Variants in PPIL4 observed in about 807,000 individuals in gnomAD.
The protein encoded by PPIL4 is peptidylprolyl isomerase like 4, also known as peptidyl-prolyl cis-trans isomerase-like 4.
Under a neutral mutation model 69.1 loss-of-function variants are expected in PPIL4, and 50 were observed. The observed-to-expected ratio is 0.72, with a 90% CI of 0.58 to 0.92. The LOEUF (loss-of-function observed/expected upper bound fraction) is 0.92. Among genes scored for constraint, PPIL4 ranks in the 40% least tolerant of loss-of-function variants. The pLI is 0.00. For synonymous variants in PPIL4, 193 were observed against 191.6 expected (o/e 1.01, Z -0.06); for missense variants, 480 against 587.9 (o/e 0.82, Z 1.90).
At chr6:149,537,374 T>C (rs1414507047) in intron 4 of PPIL4, among the ~76,000 whole-genome samples, 1 of 152,164 alleles carries the variant, frequency 6.6e-6, no homozygotes, top group South Asian at 2.1e-4. Flanking sequence ...TTGAAACCAA[T>C]GCTCACTGAC....
chr6:149,534,367 G>A (rs1195549755), intron 6 of PPIL4, among the ~76,000 whole-genome samples: 1 of 152,146 alleles, frequency 6.6e-6, no homozygotes, highest in Non-Finnish European at 1.5e-5. Flanking sequence ...AGTGTCCCCA[G>A]TTGAAAAGTT....
intron 10 of PPIL4, 87 bp from the exon 11 acceptor site, chr6:149,517,537 A>C (rs1414172657): frequency 1.6e-6 from 1 of 608,218 alleles, no homozygotes. Context: ...CATAAGAGCT[A>C]TTTTATAAAT....
chr6:149,513,503 G>GT (rs1776894054), intron 11 of PPIL4, among the ~76,000 whole-genome samples: 4 of 135,054 alleles, frequency 3.0e-5, no homozygotes, highest in South Asian at 4.7e-4. Flanking sequence ...AAAATATCTA[G>GT]TAATAAAGAC....
intron 7 of PPIL4, among the ~76,000 whole-genome samples, chr6:149,529,358 T>G (rs1457757839): frequency 1.3e-5 from 2 of 151,670 alleles, no homozygotes; most frequent in Non-Finnish European, 2.9e-5. Context: ...CTTGTGAGGC[T>G]GAGGTAGGAG....
At position 149,525,097 on chromosome 6, in the gene PPIL4, T is replaced by C. The variant is rs778639766; in HGVS notation, c.870+46A>G. On this transcript the variant is annotated intron_variant, in intron 9 of 12. Transcript: ENST00000253329. ...TATAATTTTTCACATTTTAATACCA[T>C]ATAAAAGCAAATAAATACCAAACTT... 2.1e-5 allele frequency: 22 copies of C among 1,030,536 alleles called. No individual in the cohort carries two copies. In the South Asian group the frequency reaches 2.2e-4, roughly 10 times the overall value. 63.8% of individuals were successfully genotyped at this position (1,030,536 alleles called of 1,614,324 possible).
At chr6:149,526,544 G>T (rs1777110241) in intron 8 of PPIL4, 108 bp downstream of exon 8, 2 of 1,036,222 alleles carry the variant, frequency 1.9e-6, no homozygotes, top group Non-Finnish European at 2.8e-6. Flanking sequence ...AAATTCACCA[G>T]TACAAAATTC....
At chr6:149,527,215 G>A (rs115009877) in intron 7 of PPIL4, among the ~76,000 whole-genome samples, 1,639 of 152,258 alleles carry the variant, frequency 0.011, 31 homozygotes, top group African/African-American at 0.038. Flanking sequence ...AAAATTAAAC[G>A]GGCATGGTGG....
chr6:149,519,252 C>A (rs984590285), intron 10 of PPIL4, among the ~76,000 whole-genome samples: 3 of 152,140 alleles, frequency 2.0e-5, no homozygotes, highest in Admixed American at 6.5e-5. Flanking sequence ...TAAATCACTT[C>A]TCAAGATTAT....
chr6:149,521,677 T>C (rs959065423), intron 9 of PPIL4, among the ~76,000 whole-genome samples: 1 of 152,218 alleles, frequency 6.6e-6, no homozygotes, highest in African/African-American at 2.4e-5. Context: ...TGACAGATTA[T>C]GGAATGCTGA....
In PPIL4 at chr6:149,535,748, A is replaced by G. The variant is rs1395831069; in HGVS notation, c.322-10T>C. On this transcript the variant is annotated splice_polypyrimidine_tract_variant and intron_variant, in intron 4 of 12. Coordinates refer to ENST00000253329, the MANE Select transcript of PPIL4 (RefSeq NM_139126.4). ...CTGTGGTGATAAGAAACTATAAAGA[A>G]GGACACATAATAAATACCATAAAAA... 6.4e-7 allele frequency: 1 copy of G among 1,570,604 alleles called. No homozygotes were observed. The highest frequency in any genetic ancestry group is 8.7e-7 in the Non-Finnish European group (1 of 1,148,438).
chr6:149,528,220 G>A (rs768443308), intron 7 of PPIL4, among the ~76,000 whole-genome samples: 12 of 152,104 alleles, frequency 7.9e-5, no homozygotes, highest in Non-Finnish European at 1.6e-4. Context: ...CTGCACTCCA[G>A]CCTAGAAAAC....
In PPIL4 at chr6:149,541,388, C is replaced by T. The variant is rs750235668; in HGVS notation, c.182G>A (p.Arg61His). The change falls in exon 3 of 13, where the codon CGT (arginine) becomes CAT (histidine). Residue 61 changes from arginine to histidine, a missense_variant. Physicochemically the swap from Arg to His is conservative, Grantham distance 29. Transcript: ENST00000253329. Reference protein sequence around the residue: ...IQTGDPTGTGRGGESIFGQLY... With the variant: ...IQTGDPTGTGHGGESIFGQLY... The stretch of plus-strand genomic sequence containing the variant: ...TTACCCAAAGATAGACTCTCCTCCA[C>T]GGCCAGTCCCTGTAGGATCGCCAGT... 24 of 1,470,166 alleles carry T rather than the reference C, an allele frequency of 1.6e-5. No homozygotes were observed. The highest frequency in any genetic ancestry group is 2.9e-5 in the South Asian group (2 of 68,790). The allele number at this position is 1,470,166 out of a possible 1,614,324, so 91.1% of individuals were successfully genotyped here. A position where few individuals can be genotyped will look rare whatever the true frequency, so the allele number is the denominator to read the frequency against.
At chr6:149,518,301 T>G (rs930443335) in intron 10 of PPIL4, among the ~76,000 whole-genome samples, 45 of 152,152 alleles carry the variant, frequency 3.0e-4, no homozygotes, top group Admixed American at 6.5e-5. Context: ...CAGATGAGAA[T>G]TCAATTTTCA....
chr6:149,526,429 G>C (rs1045188241), intron 8 of PPIL4, among the ~76,000 whole-genome samples: 2 of 152,160 alleles, frequency 1.3e-5, no homozygotes, highest in African/African-American at 4.8e-5. Flanking sequence ...TGTGTTGAGA[G>C]TGGGAGATTC....
chr6:149,541,583 C>A lies in PPIL4; in HGVS notation c.74G>T (p.Cys25Phe). Residue 25 changes from cysteine (C) to phenylalanine (F), a missense_variant, in exon 2 of 13, where the codon TGC becomes TTC. Transcript: ENST00000253329. ...DLYTEERPRA[C>F]LNFLKLCKIK... ...TTTGCACAGTTTCAAGAAATTCAAG[C>A]AGGCTGAAAGAAAGTAAATACCAAA... is the stretch of plus-strand genomic sequence containing the variant. 1 of 1,551,538 alleles carries A rather than the reference C, an allele frequency of 6.4e-7. No homozygotes were observed. Among genetic ancestry groups the A allele is most frequent in the South Asian group, 1.1e-5 (1 of 88,606 alleles).
intron 7 of PPIL4, among the ~76,000 whole-genome samples, chr6:149,528,106 A>C (rs1224676395): frequency 3.3e-5 from 5 of 152,236 alleles, no homozygotes; most frequent in Admixed American, 6.5e-5. Context: ...AAATTTAAAA[A>C]TTAGCCAGGC....
chr6:149,515,956 C>G (rs938716398), intron 11 of PPIL4, among the ~76,000 whole-genome samples: 1 of 152,170 alleles, frequency 6.6e-6, no homozygotes, highest in Non-Finnish European at 1.5e-5. Flanking sequence ...TAGATGCCAC[C>G]ATGCCTTCTT....
At position 149,505,324 on chromosome 6, in the gene PPIL4, C is replaced by G. The variant is rs542021908; in HGVS notation, c.*129G>C. The G allele has an allele frequency of 5.3e-5, 43 of 814,784 alleles. 1 individual carries two copies. The highest frequency in any genetic ancestry group is 4.4e-4 in the South Asian group (25 of 56,956). 50.5% of individuals were successfully genotyped at this position (814,784 alleles called of 1,614,324 possible). A position where few individuals can be genotyped will look rare whatever the true frequency, so the allele number is the denominator to read the frequency against. On this transcript the variant is annotated 3_prime_UTR_variant, in exon 13 of 13. Coordinates refer to ENST00000253329, the MANE Select transcript of PPIL4 (RefSeq NM_139126.4). ...CGTGCTCTATATAATCAGTATTAAT[C>G]TAAAGACCATAATCCTAGTATGAAA...
chr6:149,545,033 T>C (rs1777418124), intron 1 of PPIL4, among the ~76,000 whole-genome samples: 1 of 152,134 alleles, frequency 6.6e-6, no homozygotes, highest in Admixed American at 6.5e-5. Context: ...GCTTTTAAAG[T>C]CTTCAAGGAC....
Sources: allele counts gnomAD v4.1 joint callset (sites outside exome capture counted in the v4.1 genomes callset), GRCh38; gene constraint gnomAD v4.1.1; transcripts MANE v1.5; gene names NCBI Gene and HGNC (gene_info 2026-07-23, HGNC 2026-07-21).